TSHZ2: variants seen among roughly 807,000 people sequenced by gnomAD.
The protein encoded by TSHZ2 is teashirt zinc finger homeobox 2.
Under a neutral mutation model 74.4 loss-of-function variants are expected in TSHZ2, and 21 were observed. The observed-to-expected ratio is 0.28, with a 90% CI of 0.20 to 0.41. TSHZ2 has a LOEUF of 0.41. TSHZ2 is among the 10% of genes least tolerant of loss of function. The pLI, the probability that TSHZ2 is intolerant of heterozygous loss-of-function variation, is 1.00. For missense variants in TSHZ2, 1,244 were observed against 1,293.5 expected (o/e 0.96, Z 0.59); for synonymous variants, 540 against 515.3 (o/e 1.05, Z -0.65).
intron 2 of TSHZ2, among the ~76,000 whole-genome samples, chr20:53,465,575 A>G (rs997044983): frequency 1.3e-5 from 2 of 152,026 alleles, no homozygotes; most frequent in African/African-American, 4.8e-5. Context: ...CCAGCCAGAA[A>G]TCTTTATTAC....
At chr20:53,050,113 A>ATG (rs1984382620) in intron 1 of TSHZ2, among the ~76,000 whole-genome samples, 1 of 97,998 alleles carries the variant, frequency 1.0e-5, no homozygotes, top group Non-Finnish European at 1.8e-5. Flanking sequence ...GTATATATAT[A>ATG]TATATATATA....
At chr20:53,097,692 T>C in intron 1 of TSHZ2, 1 of 154,244 alleles carries the variant, frequency 6.5e-6, no homozygotes. Flanking sequence ...GTCACCCCAT[T>C]GATTGCCAGG....
At chr20:53,282,884 C>T (rs6097335) in intron 2 of TSHZ2, among the ~76,000 whole-genome samples, 4,087 of 152,116 alleles carry the variant, frequency 0.027, 186 homozygotes, top group African/African-American at 0.094. Context: ...CACTGTGCCA[C>T]TCCCAGATCA....
At chr20:53,207,416 A>G (rs1180735299) in intron 1 of TSHZ2, among the ~76,000 whole-genome samples, 1 of 152,176 alleles carries the variant, frequency 6.6e-6, no homozygotes, top group African/African-American at 2.4e-5. Flanking sequence ...TGTGTTCTGA[A>G]GCCCTGAAGT....
chr20:53,277,355 A>G (rs768678290), intron 2 of TSHZ2, among the ~76,000 whole-genome samples: 4 of 152,216 alleles, frequency 2.6e-5, no homozygotes, highest in Non-Finnish European at 5.9e-5. Flanking sequence ...AAGTAAAACA[A>G]GAAATGTGGC....
At chr20:53,306,265 C>T (rs888406033) in intron 2 of TSHZ2, among the ~76,000 whole-genome samples, 4 of 152,188 alleles carry the variant, frequency 2.6e-5, no homozygotes, top group Admixed American at 6.5e-5. Flanking sequence ...CAAACACTTT[C>T]TTGGACCACC....
At chr20:53,099,727 CATCTG>C (rs1485440174) in intron 1 of TSHZ2, among the ~76,000 whole-genome samples, 4 of 152,136 alleles carry the variant, frequency 2.6e-5, no homozygotes, top group Non-Finnish European at 2.9e-5. Flanking sequence ...CTTATAAAAA[CATCTG>C]ATCTTGTGAG....
At chr20:53,118,159 G>A (rs1568768030) in intron 1 of TSHZ2, among the ~76,000 whole-genome samples, 2 of 152,230 alleles carry the variant, frequency 1.3e-5, no homozygotes, top group Non-Finnish European at 2.9e-5. Flanking sequence ...AGATGCCTCT[G>A]CTGGCTTACG....
chr20:53,058,072 C>T (rs1471061471), intron 1 of TSHZ2, among the ~76,000 whole-genome samples: 2 of 152,088 alleles, frequency 1.3e-5, no homozygotes, highest in Non-Finnish European at 2.9e-5. Flanking sequence ...TCATGAGGAT[C>T]GCACAACGTA....
At chr20:53,466,953 C>T (rs905957429) in intron 2 of TSHZ2, among the ~76,000 whole-genome samples, 13 of 152,220 alleles carry the variant, frequency 8.5e-5, no homozygotes, top group East Asian at 3.9e-4. Context: ...AGAGAACAGG[C>T]TTTGAAGTCA....
At chr20:53,062,671 T>G (rs964739638) in intron 1 of TSHZ2, among the ~76,000 whole-genome samples, 1 of 152,206 alleles carries the variant, frequency 6.6e-6, no homozygotes, top group Non-Finnish European at 1.5e-5. Flanking sequence ...TGATCTTCTA[T>G]CCAGACCACT....
At chr20:53,452,872 T>C (rs1352023907) in intron 2 of TSHZ2, among the ~76,000 whole-genome samples, 3 of 152,202 alleles carry the variant, frequency 2.0e-5, no homozygotes, top group African/African-American at 7.2e-5. Flanking sequence ...TGCTGTTAGA[T>C]TGCTGCCTTA....
chr20:53,249,135 A>C (rs1462937692), intron 1 of TSHZ2, among the ~76,000 whole-genome samples: 1 of 152,096 alleles, frequency 6.6e-6, no homozygotes, highest in Non-Finnish European at 1.5e-5. Flanking sequence ...GCCTCGGCAC[A>C]CAGCCGATAC....
intron 1 of TSHZ2, among the ~76,000 whole-genome samples, chr20:53,044,479 G>A (rs575526229): frequency 6.6e-6 from 1 of 152,240 alleles, no homozygotes; most frequent in South Asian, 2.1e-4. Context: ...CATGGTCCTT[G>A]TGACACCAGT....
intron 2 of TSHZ2, among the ~76,000 whole-genome samples, chr20:53,257,179 A>G (rs1051444752): frequency 3.3e-5 from 5 of 152,228 alleles, no homozygotes; most frequent in East Asian, 3.9e-4. Flanking sequence ...TAAGTGTCCT[A>G]TGAATGAGCA....
At position 53,140,712 on chromosome 20, in the gene TSHZ2, C is replaced by T. The variant is rs191359526; in HGVS notation, c.41-112787C>T. Among the ~76,000 whole-genome samples the T allele has an allele frequency of 4.4e-3, 670 of 152,262 alleles. 4 individuals are homozygous for T. Among genetic ancestry groups the T allele is most frequent in the Non-Finnish European group, 7.4e-3 (503 of 68,016 alleles). On this transcript the variant is annotated intron_variant, in intron 1 of 2. Transcript: ENST00000371497. ...TATCTCATGACCCAAACAAGCTTCC[C>T]GCTGACCTTTGCACGTTTCCAGTCT...
intron 1 of TSHZ2, among the ~76,000 whole-genome samples, chr20:53,005,859 G>A (rs992378146): frequency 6.6e-6 from 1 of 152,058 alleles, no homozygotes; most frequent in African/African-American, 2.4e-5. Context: ...GATAAGATAA[G>A]CCCATTGGGT....
At chr20:53,151,589 G>C (rs1419367538) in intron 1 of TSHZ2, among the ~76,000 whole-genome samples, 1 of 152,094 alleles carries the variant, frequency 6.6e-6, no homozygotes, top group Non-Finnish European at 1.5e-5. Context: ...GAAGCATTAG[G>C]ATTACTAAAT....
At chr20:53,170,528 G>C (rs558931951) in intron 1 of TSHZ2, among the ~76,000 whole-genome samples, 1 of 152,126 alleles carries the variant, frequency 6.6e-6, no homozygotes, top group Non-Finnish European at 1.5e-5. Flanking sequence ...TGGTGGTGGC[G>C]GGGGCCGGGG....
Sources: allele counts gnomAD v4.1 joint callset (sites outside exome capture counted in the v4.1 genomes callset), GRCh38; gene constraint gnomAD v4.1.1; transcripts MANE v1.5; gene names NCBI Gene and HGNC (gene_info 2026-07-23, HGNC 2026-07-21).